UGT2B17: variants seen among roughly 807,000 people sequenced by gnomAD.
UGT2B17 encodes the protein UDP-glucuronosyltransferase 2B17.
In UGT2B17, 21 loss-of-function variants were observed where a neutral mutation model predicts 48.2. That is an observed-to-expected ratio of 0.44 (90% CI 0.31 to 0.63). UGT2B17 has a LOEUF of 0.63. UGT2B17 is among the 20% of genes least tolerant of loss of function. UGT2B17 has a pLI of 0.08. For missense variants in UGT2B17, 402 were observed against 696.1 expected, an observed-to-expected ratio of 0.58 and a Z score of 4.75; for synonymous variants, 146 against 238.4, an observed-to-expected ratio of 0.61 and a Z score of 3.57.
chr4:68,568,866 A>G (rs187259446), intron 1 of UGT2B17, among the ~76,000 whole-genome samples: 5,254 of 132,266 alleles, frequency 0.04, 159 homozygotes, highest in African/African-American at 0.14. Context: ...TAATTCATAT[A>G]CCATATGACT....
In UGT2B17 at chr4:68,572,606, G is replaced by T. The variant is rs1471925467; in HGVS notation, c.-65+3345C>A. Among the ~76,000 whole-genome samples, 11 of 126,362 alleles carry T rather than the reference G, an allele frequency of 8.7e-5. 4 individuals carry two copies. The highest frequency in any genetic ancestry group is 3.0e-4 in the African/African-American group (11 of 36,840). 82.9% of individuals were successfully genotyped at this position (126,362 alleles called of 152,430 possible). ...AGGGCGTGATCATGGAAGGCAATTA[G>T]CTCTTTTATAATAACCATAAAGTAA... On this transcript the variant is annotated intron_variant, in intron 1 of 6. Coordinates refer to ENST00000317746, the MANE Select transcript of UGT2B17 (RefSeq NM_001077.4).
intron 6 of UGT2B17, among the ~76,000 whole-genome samples, chr4:68,539,032 T>G: frequency 7.9e-6 from 1 of 126,314 alleles, no homozygotes; most frequent in Non-Finnish European, 1.7e-5. Context: ...CTCTACTGCT[T>G]CGTTCTTATT....
intron 1 of UGT2B17, among the ~76,000 whole-genome samples, chr4:68,569,137 C>T (rs1378351166): frequency 8.0e-6 from 1 of 124,942 alleles, no homozygotes; most frequent in African/African-American, 2.8e-5. Context: ...ATTGCAGCTC[C>T]AGACAGAGCA....
In UGT2B17 at chr4:68,541,353, G is replaced by T. The variant is rs1263450150; in HGVS notation, c.1314-3449C>A. Among the ~76,000 whole-genome samples the T allele has an allele frequency of 1.6e-5, 2 of 126,476 alleles. 1 individual carries two copies. Among genetic ancestry groups the T allele is most frequent in the Non-Finnish European group, 3.4e-5 (2 of 59,668 alleles). 83.0% of individuals were successfully genotyped at this position (126,476 alleles called of 152,430 possible). On this transcript the variant is annotated intron_variant, in intron 6 of 6. Transcript: ENST00000317746. ...ATCATCTCCATTCTGACTGGCATGA[G>T]ATTGTATCTCATTGTGGTTTTGATT...
At position 68,543,014 on chromosome 4, in the gene UGT2B17, G is replaced by T. The variant is rs7440813; in HGVS notation, c.1314-5110C>A. Among the ~76,000 whole-genome samples the T allele has an allele frequency of 3.9e-5, 5 of 126,610 alleles. 2 individuals carry two copies. The highest frequency in any genetic ancestry group is 8.0e-5 in the Admixed American group (1 of 12,454). The allele number at this position is 126,610 out of a possible 152,430, so 83.1% of individuals were successfully genotyped here. On this transcript the variant is annotated intron_variant, in intron 6 of 6. Coordinates refer to ENST00000317746, the MANE Select transcript of UGT2B17 (RefSeq NM_001077.4). ...TGCCTCTGTAGATCCACCTCTGGGG[G>T]CAGGGCATAACCAAACAAAAGGCAG...
chr4:68,537,394 G>T lies in UGT2B17; in HGVS notation c.*231C>A. ...ATTAGAATAATAAATTTCAATATAAGCCCATAAGGTTTTATATTATTATTT... is the reference window on the plus strand; with the variant it reads ...ATTAGAATAATAAATTTCAATATAATCCCATAAGGTTTTATATTATTATTT... On this transcript the variant is annotated 3_prime_UTR_variant, in exon 7 of 7. Transcript: ENST00000317746. 6.6e-6 allele frequency: 2 copies of T among 302,386 alleles called. No individual in the cohort carries two copies. Among genetic ancestry groups the T allele is most frequent in the Non-Finnish European group, 1.0e-5 (2 of 196,188 alleles). 18.7% of individuals were successfully genotyped at this position (302,386 alleles called of 1,614,324 possible). A position where few individuals can be genotyped will look rare whatever the true frequency, so the allele number is the denominator to read the frequency against.
chr4:68,553,990 T>C (rs1276838571), intron 4 of UGT2B17, among the ~76,000 whole-genome samples: 1 of 124,532 alleles, frequency 8.0e-6, no homozygotes, highest in Non-Finnish European at 1.7e-5. Context: ...CATGCAGTGG[T>C]CCTGCAGGGA....
In UGT2B17 at chr4:68,548,446, G is replaced by A. The variant is rs186731563; in HGVS notation, c.1313+2231C>T. On this transcript the variant is annotated intron_variant, in intron 6 of 6. Transcript: ENST00000317746. The stretch of plus-strand genomic sequence containing the variant: ...GCTTGGGGGTAGCGGGAGTGGGGAG[G>A]GATAGCATTAGGAGATACACTTAAT... Among the ~76,000 whole-genome samples the A allele has an allele frequency of 1.7e-3, 208 of 124,342 alleles. 30 individuals carry two copies. Among genetic ancestry groups the A allele is most frequent in the African/African-American group, 5.5e-3 (201 of 36,454 alleles). 81.6% of individuals were successfully genotyped at this position (124,342 alleles called of 152,430 possible). A position where few individuals can be genotyped will look rare whatever the true frequency, so the allele number is the denominator to read the frequency against.
In UGT2B17 at chr4:68,576,252, A is replaced by C. The variant is rs1197639274; in HGVS notation, c.-366T>G. On this transcript the variant is annotated 5_prime_UTR_variant, in exon 1 of 7. The change abolishes an upstream ATG in the 5' untranslated region. Coordinates refer to ENST00000317746, the MANE Select transcript of UGT2B17 (RefSeq NM_001077.4). ...GAGCCACAGACAAAACCTCTCAGAC[A>C]TCGAGTTGTAGAAGGAAGGGCTTTA... Among the ~76,000 whole-genome samples, 4 of 126,026 alleles carry C rather than the reference A, an allele frequency of 3.2e-5. 1 individual carries two copies. Among genetic ancestry groups the C allele is most frequent in the Non-Finnish European group, 6.7e-5 (4 of 59,456 alleles). The allele number at this position is 126,026 out of a possible 152,430, so 82.7% of individuals were successfully genotyped here. A position where few individuals can be genotyped will look rare whatever the true frequency, so the allele number is the denominator to read the frequency against.
At chr4:68,554,498 A>G (rs1473469631) in intron 4 of UGT2B17, among the ~76,000 whole-genome samples, 4 of 125,088 alleles carry the variant, frequency 3.2e-5, no homozygotes, top group Non-Finnish European at 5.1e-5. Flanking sequence ...GTTAAAAACC[A>G]CTGTTTTGAT....
At chr4:68,571,536 G>T (rs1731297561) in intron 1 of UGT2B17, among the ~76,000 whole-genome samples, 1 of 126,624 alleles carries the variant, frequency 7.9e-6, no homozygotes. Context: ...TAGAGCTTTT[G>T]TCTAAGACAG....
chr4:68,556,989 T>C (rs1458490577), intron 4 of UGT2B17, among the ~76,000 whole-genome samples: 6 of 125,408 alleles, frequency 4.8e-5, no homozygotes, highest in African/African-American at 1.4e-4. Flanking sequence ...AAAAATGACA[T>C]AATTTGGCTT....
Position 68,547,423 on chromosome 4 carries a change from T to C in UGT2B17, c.1313+3254A>G, listed in dbSNP as rs1397890600. Among the ~76,000 whole-genome samples, 22 of 125,792 alleles carry C rather than the reference T, an allele frequency of 1.7e-4. 3 individuals are homozygous for C. Among genetic ancestry groups the C allele is most frequent in the African/African-American group, 5.4e-4 (20 of 36,790 alleles). The allele number at this position is 125,792 out of a possible 152,430, so 82.5% of individuals were successfully genotyped here. On this transcript the variant is annotated intron_variant, in intron 6 of 6. Transcript: ENST00000317746. Reference sequence around the variant, plus strand: ...TCCTTACACCTTATACAAAAATTAATTGAAGATGGATTAAAGACTTACATG... The same window carrying C: ...TCCTTACACCTTATACAAAAATTAACTGAAGATGGATTAAAGACTTACATG...
Position 68,570,787 on chromosome 4 carries a change from T to C in UGT2B17, c.-64-2239A>G, listed in dbSNP as rs778096997. ...TATTGTAACTCCTATTATAAGAGTT[T>C]TAAATTTTTCTAGTGCTGGGAACCA... On this transcript the variant is annotated intron_variant, in intron 1 of 6. Coordinates refer to ENST00000317746, the MANE Select transcript of UGT2B17 (RefSeq NM_001077.4). Among the ~76,000 whole-genome samples the C allele has an allele frequency of 6.3e-5, 8 of 126,524 alleles. 1 individual carries two copies. The highest frequency in any genetic ancestry group is 1.3e-4 in the Non-Finnish European group (8 of 59,708). The allele number at this position is 126,524 out of a possible 152,430, so 83.0% of individuals were successfully genotyped here. A position where few individuals can be genotyped will look rare whatever the true frequency, so the allele number is the denominator to read the frequency against.
intron 4 of UGT2B17, among the ~76,000 whole-genome samples, chr4:68,559,167 C>G (rs1442168396): frequency 8.0e-6 from 1 of 124,400 alleles, no homozygotes; most frequent in African/African-American, 2.7e-5. Context: ...TTACTTATAT[C>G]CACTTGTCTA....
In UGT2B17 at chr4:68,548,408, C is replaced by T. The variant is rs1730858710; in HGVS notation, c.1313+2269G>A. Among the ~76,000 whole-genome samples, 2 of 124,184 alleles carry T rather than the reference C, an allele frequency of 1.6e-5. 1 individual carries two copies. The highest frequency in any genetic ancestry group is 3.4e-5 in the Non-Finnish European group (2 of 59,082). 81.5% of individuals were successfully genotyped at this position (124,184 alleles called of 152,430 possible). ...CGAGGACACAGGAAGGGGAATATCA[C>T]ACACCGGGGCCTGCTTGGGGGTAGC... On this transcript the variant is annotated intron_variant, in intron 6 of 6. Transcript: ENST00000317746.
Position 68,565,709 on chromosome 4 carries a change from T to A in UGT2B17, c.736A>T (p.Thr246Ser). 3 of 1,344,274 alleles carry A rather than the reference T, an allele frequency of 2.2e-6. 1 individual carries two copies. The East Asian group carries it at 2.7e-4, about 119-fold the overall frequency. 83.3% of individuals were successfully genotyped at this position (1,344,274 alleles called of 1,614,324 possible). A position where few individuals can be genotyped will look rare whatever the true frequency, so the allele number is the denominator to read the frequency against. ...FYSEVLGRPTTLFETMGKAEM... is the reference protein window; with the variant it reads ...FYSEVLGRPTSLFETMGKAEM... ...GCTTTCCCCATTGTCTCAAATAATG[T>A]AGTGGGTCTTCCTGATGGAAAAAAA... The change falls in exon 3 of 7, where the codon ACA becomes TCA. Residue 246 changes from threonine to serine, a missense_variant. By Grantham distance (58) the Thr-to-Ser change is moderately conservative. Coordinates refer to ENST00000317746, the MANE Select transcript of UGT2B17 (RefSeq NM_001077.4).
chr4:68,568,050 T>C lies in UGT2B17; in HGVS notation c.435A>G (p.Lys145=), dbSNP rs761975547. ...CGGCATCTGCCAGAAGGACATCAAA[T>C]TTTGACTCTTGTAGTTTTCTCATAA... ...KKLMRKLQES[K]FDVLLADAVN... The change falls in exon 2 of 7, where the codon AAA becomes AAG. Residue 145 remains lysine, a synonymous_variant. Coordinates refer to ENST00000317746, the MANE Select transcript of UGT2B17 (RefSeq NM_001077.4). 5.1e-6 allele frequency: 7 copies of C among 1,382,836 alleles called. 3 individuals are homozygous for C. Among genetic ancestry groups the C allele is most frequent in the South Asian group, 3.2e-5 (2 of 62,444 alleles). The allele number at this position is 1,382,836 out of a possible 1,614,324, so 85.7% of individuals were successfully genotyped here. A position where few individuals can be genotyped will look rare whatever the true frequency, so the allele number is the denominator to read the frequency against.
chr4:68,568,592 G>A (rs1376582267), intron 1 of UGT2B17, 44 bp from the exon 2 acceptor site: 1 of 1,172,092 alleles, frequency 8.5e-7, no homozygotes, highest in Non-Finnish European at 1.1e-6. Context: ...GCTAAAATTT[G>A]AGTTGACCTC....
Sources: allele counts gnomAD v4.1 joint callset (sites outside exome capture counted in the v4.1 genomes callset), GRCh38; gene constraint gnomAD v4.1.1; transcripts MANE v1.5; gene names NCBI Gene and HGNC (gene_info 2026-07-23, HGNC 2026-07-21).